The following CMIP variants were observed in gnomAD, a reference collection of about 807,000 sequenced individuals.
CMIP encodes c-Maf inducing protein, also known as C-Maf-inducing protein.
Under a neutral mutation model 97.3 loss-of-function variants are expected in CMIP, and 13 were observed. The observed-to-expected ratio is 0.13, with a 90% CI of 0.09 to 0.21. CMIP has a LOEUF of 0.21. CMIP is among the 10% of genes least tolerant of loss of function. The pLI, the probability that CMIP is intolerant of heterozygous loss-of-function variation, is 1.00. For missense variants in CMIP, 847 were observed against 1,024.9 expected (o/e 0.83, Z 2.37); for synonymous variants, 538 against 436.3 (o/e 1.23, Z -2.91).
chr16:81,531,968 C>T (rs114197285), intron 1 of CMIP, among the ~76,000 whole-genome samples: 620 of 152,348 alleles, frequency 4.1e-3, no homozygotes, highest in African/African-American at 0.014. Context: ...ACTGCACATA[C>T]TTCTAAAACT....
At chr16:81,557,126 C>T (rs2150866184) in intron 1 of CMIP, among the ~76,000 whole-genome samples, 1 of 152,324 alleles carries the variant, frequency 6.6e-6, no homozygotes, top group Admixed American at 6.5e-5. Flanking sequence ...GGTGAGAGGG[C>T]TACCAGAATC....
rs570055238 is a variant in CMIP at position 81,689,429 on chromosome 16, T to C, written c.1389-2346T>C. On this transcript the variant is annotated intron_variant, in intron 10 of 20. Transcript: ENST00000537098. ...GCCAGTGATGATGAGCATTTTTTCA[T>C]GTGTCTGTTGGCTGCATAAATGTCT... Among the ~76,000 whole-genome samples, 308 of 152,352 alleles carry C rather than the reference T, an allele frequency of 2.0e-3. 1 individual carries two copies. Among genetic ancestry groups the C allele is most frequent in the Non-Finnish European group, 3.7e-3 (250 of 68,030 alleles).
At chr16:81,699,414 AAGAC>A (rs1446471496) in intron 14 of CMIP, among the ~76,000 whole-genome samples, 1 of 152,230 alleles carries the variant, frequency 6.6e-6, no homozygotes, top group Non-Finnish European at 1.5e-5. Flanking sequence ...TAAAAGGCAA[AAGAC>A]AGAATGAAAA....
At chr16:81,450,281 G>T (rs1180836199) in intron 1 of CMIP, among the ~76,000 whole-genome samples, 1 of 152,222 alleles carries the variant, frequency 6.6e-6, no homozygotes, top group African/African-American at 2.4e-5. Context: ...ATGAGATTAG[G>T]TGAGGCAGCC....
intron 6 of CMIP, among the ~76,000 whole-genome samples, chr16:81,661,488 G>A (rs1431231166): frequency 6.6e-6 from 1 of 152,230 alleles, no homozygotes; most frequent in Non-Finnish European, 1.5e-5. Context: ...GTTCTTTGCT[G>A]TGTGGTTTTT....
intron 10 of CMIP, among the ~76,000 whole-genome samples, chr16:81,679,151 C>T (rs1000045980): frequency 5.9e-5 from 9 of 152,110 alleles, no homozygotes; most frequent in African/African-American, 1.9e-4. Context: ...TGTGCCTGAA[C>T]GGCCATGGGT....
chr16:81,589,539 G>A lies in CMIP; in HGVS notation c.301-18028G>A, dbSNP rs372736519. Among the ~76,000 whole-genome samples the A allele has an allele frequency of 1.3e-3, 190 of 147,566 alleles. 5 individuals carry two copies. In the South Asian group the frequency reaches 0.038, roughly 30 times the overall value. On this transcript the variant is annotated intron_variant, in intron 1 of 20. Transcript: ENST00000537098. ...GTGCTTATGGGCAGGGCCAGGTCTC[G>A]CACCCCATGGCAGCCAGCCTGGCCC...
At position 81,573,161 on chromosome 16, in the gene CMIP, C is replaced by G. The variant is rs141481886; in HGVS notation, c.301-34406C>G. 9.6e-3 allele frequency among the ~76,000 whole-genome samples: 1,466 copies of G among 152,192 alleles called. 5 individuals are homozygous for G. Among genetic ancestry groups the G allele is most frequent in the Middle Eastern group, 0.034 (10 of 294 alleles). On this transcript the variant is annotated intron_variant, in intron 1 of 20. Coordinates refer to ENST00000537098, the MANE Select transcript of CMIP (RefSeq NM_198390.3). ...GAGTTGGAGACCAGGCTGGCCAACA[C>G]GGTGAAACCCCGTCTCTACTAAAAA...
intron 1 of CMIP, among the ~76,000 whole-genome samples, chr16:81,565,159 C>T (rs1015077328): frequency 5.3e-5 from 8 of 152,118 alleles, no homozygotes; most frequent in African/African-American, 1.2e-4. Context: ...AGCCCTCCTT[C>T]GGCCAAGGGA....
At chr16:81,650,877 G>A (rs918210856) in intron 3 of CMIP, among the ~76,000 whole-genome samples, 2 of 152,160 alleles carry the variant, frequency 1.3e-5, no homozygotes, top group Non-Finnish European at 1.5e-5. Context: ...TCCGACTCAG[G>A]TCCACCTCCC....
At chr16:81,653,290 G>A (rs2092449199) in intron 4 of CMIP, among the ~76,000 whole-genome samples, 2 of 152,148 alleles carry the variant, frequency 1.3e-5, no homozygotes, top group African/African-American at 4.8e-5. Flanking sequence ...CAAGTGCCTG[G>A]CTGCCTGGAG....
At chr16:81,465,906 C>T (rs1263043691) in intron 1 of CMIP, among the ~76,000 whole-genome samples, 2 of 152,184 alleles carry the variant, frequency 1.3e-5, no homozygotes, top group African/African-American at 4.8e-5. Flanking sequence ...AACACAGCCC[C>T]ACTAGAACAC....
rs1191139019 is a variant in CMIP at position 81,445,653 on chromosome 16, G to A, written c.300+112G>A. ...AGCCCAGGGCCTGGGGGGCGGTGGG[G>A]GGTGCCGGGGGAACGGGGAGAACCA... On this transcript the variant is annotated intron_variant, in intron 1 of 20. Coordinates refer to ENST00000537098, the MANE Select transcript of CMIP (RefSeq NM_198390.3). The A allele has an allele frequency of 7.5e-6, 9 of 1,199,662 alleles. No homozygotes were observed. The Admixed American group carries it at 1.8e-4, about 24-fold the overall frequency. 74.3% of individuals were successfully genotyped at this position (1,199,662 alleles called of 1,614,324 possible).
Position 81,446,554 on chromosome 16 carries a change from G to A in CMIP, c.300+1013G>A, listed in dbSNP as rs8059660. 3.4e-3 allele frequency among the ~76,000 whole-genome samples: 514 copies of A among 152,078 alleles called. 2 individuals carry two copies. The highest frequency in any genetic ancestry group is 0.012 in the African/African-American group (492 of 41,434). ...TGCCGTGGGGGTCCCATCCTCATTGGGGGTGTAGCTTGTCTTCCCCAGAAT... is the reference window on the plus strand; with the variant it reads ...TGCCGTGGGGGTCCCATCCTCATTGAGGGTGTAGCTTGTCTTCCCCAGAAT... On this transcript the variant is annotated intron_variant, in intron 1 of 20. Coordinates refer to ENST00000537098, the MANE Select transcript of CMIP (RefSeq NM_198390.3).
chr16:81,481,096 C>T (rs1051914423), intron 1 of CMIP, among the ~76,000 whole-genome samples: 4 of 152,138 alleles, frequency 2.6e-5, no homozygotes, highest in African/African-American at 4.8e-5. Context: ...ATGGTTTGTC[C>T]CTCCTATTTG....
intron 13 of CMIP, among the ~76,000 whole-genome samples, chr16:81,694,601 C>G (rs75833087): frequency 1.3e-5 from 2 of 152,290 alleles, no homozygotes; most frequent in South Asian, 2.1e-4. Context: ...TTCTAGAGTA[C>G]TTGTTCTCAA....
intron 1 of CMIP, among the ~76,000 whole-genome samples, chr16:81,493,036 G>A (rs905526030): frequency 1.3e-5 from 2 of 152,196 alleles, no homozygotes; most frequent in African/African-American, 2.4e-5. Context: ...GGACCAGAAT[G>A]CAGGGAGGAG....
At chr16:81,706,583 C>A (rs554558238) in intron 19 of CMIP, among the ~76,000 whole-genome samples, 3 of 152,362 alleles carry the variant, frequency 2.0e-5, no homozygotes, top group East Asian at 3.9e-4. Context: ...GGGTCTGCCC[C>A]CCGTGCGACT....
At chr16:81,657,680 A>G in intron 4 of CMIP, 95 bp from the exon 5 acceptor site, 2 of 1,017,326 alleles carry the variant, frequency 2.0e-6, no homozygotes, top group Non-Finnish European at 2.9e-6. Context: ...GACGCTGAAG[A>G]TGTTTCAAAA....
Sources: allele counts gnomAD v4.1 joint callset (sites outside exome capture counted in the v4.1 genomes callset), GRCh38; gene constraint gnomAD v4.1.1; transcripts MANE v1.5; gene names NCBI Gene and HGNC (gene_info 2026-07-23, HGNC 2026-07-21).